Variants in ADD2 observed in about 807,000 individuals in gnomAD.
The protein encoded by ADD2 is adducin 2, also known as beta-adducin.
In ADD2, 23 loss-of-function variants were observed where a neutral mutation model predicts 83.0. The ratio of observed to expected loss-of-function variants is 0.28; its 90% CI spans 0.20 to 0.39. ADD2 has a LOEUF of 0.39. Ranked by LOEUF, ADD2 falls within the 10% of genes least tolerant of loss-of-function variation. The pLI, the probability that ADD2 is intolerant of heterozygous loss-of-function variation, is 1.00. For missense variants in ADD2, 758 were observed against 944.9 expected (o/e 0.80, Z 2.59); for synonymous variants, 375 against 375.4 (o/e 1.00, Z 0.01).
chr2:70,767,953 G>T lies in ADD2; in HGVS notation c.-221C>A, dbSNP rs990976395. 3.9e-4 allele frequency: 605 copies of T among 1,535,514 alleles called. No homozygotes were observed. The highest frequency in any genetic ancestry group is 4.6e-4 in the Non-Finnish European group (531 of 1,146,654). ...GTTGGTTTTGTTATTTTATGGGTTT[G>T]GGGGGTGGGGTGCGCTTAAAAAATC... On this transcript the variant is annotated 5_prime_UTR_variant, in exon 1 of 16. Transcript: ENST00000264436.
chr2:70,752,041 T>C (rs545052610), intron 1 of ADD2, among the ~76,000 whole-genome samples: 5 of 152,322 alleles, frequency 3.3e-5, no homozygotes, highest in Non-Finnish European at 5.9e-5. Flanking sequence ...TAAATGCATA[T>C]AGCCTTTGTC....
chr2:70,698,944 TAAC>T (rs1258459000), intron 4 of ADD2, among the ~76,000 whole-genome samples: 1 of 152,090 alleles, frequency 6.6e-6, no homozygotes, highest in Non-Finnish European at 1.5e-5. Flanking sequence ...GCTAGACAGA[TAAC>T]AACCTATCTG....
Position 70,692,290 on chromosome 2 carries a change from G to A in ADD2, c.705+113C>T, listed in dbSNP as rs969648078. 25 of 1,252,884 alleles carry A rather than the reference G, an allele frequency of 2.0e-5. No homozygotes were observed. In the African/African-American group the frequency reaches 2.6e-4, roughly 13 times the overall value. 77.6% of individuals were successfully genotyped at this position (1,252,884 alleles called of 1,614,324 possible). ...GCGTTTCCACGTTGGGAGTTCTCTC[G>A]CTTCACCTTGGCCTGAGTTCTAGAT... On this transcript the variant is annotated intron_variant, in intron 7 of 15. Coordinates refer to ENST00000264436, the MANE Select transcript of ADD2 (RefSeq NM_001617.4).
chr2:70,722,327 C>T (rs536541636), intron 1 of ADD2, among the ~76,000 whole-genome samples: 1 of 152,252 alleles, frequency 6.6e-6, no homozygotes, highest in South Asian at 2.1e-4. Flanking sequence ...AAAAACATTG[C>T]TAACTATCAT....
At chr2:70,739,163 G>A (rs1553380665) in intron 1 of ADD2, among the ~76,000 whole-genome samples, 1 of 152,086 alleles carries the variant, frequency 6.6e-6, no homozygotes, top group African/African-American at 2.4e-5. Flanking sequence ...GTAATATCCA[G>A]CATCTATAAG....
At chr2:70,728,445 C>G (rs1213147427) in intron 1 of ADD2, among the ~76,000 whole-genome samples, 8 of 152,220 alleles carry the variant, frequency 5.3e-5, no homozygotes, top group Admixed American at 2.0e-4. Context: ...TGTGAGGAGT[C>G]AGTCCTGGGC....
At chr2:70,665,525 ATC>A (rs1207424917) in intron 15 of ADD2, among the ~76,000 whole-genome samples, 1 of 152,000 alleles carries the variant, frequency 6.6e-6, no homozygotes, top group African/African-American at 2.4e-5. Flanking sequence ...GGACACAACC[ATC>A]TCTCTGTCCA....
chr2:70,671,652 T>C (rs961723759), intron 15 of ADD2, among the ~76,000 whole-genome samples: 9 of 152,158 alleles, frequency 5.9e-5, no homozygotes, highest in Non-Finnish European at 1.2e-4. Flanking sequence ...TGGAGACAGG[T>C]TGACAACACC....
At chr2:70,667,237 A>T (rs1270510435) in intron 15 of ADD2, among the ~76,000 whole-genome samples, 3 of 152,014 alleles carry the variant, frequency 2.0e-5, no homozygotes, top group Non-Finnish European at 4.4e-5. Context: ...AGAAGCTGGA[A>T]AATGGGGGCT....
intron 4 of ADD2, among the ~76,000 whole-genome samples, chr2:70,699,835 T>C (rs1671498423): frequency 6.6e-6 from 1 of 151,694 alleles, no homozygotes; most frequent in Admixed American, 6.6e-5. Flanking sequence ...AAGGTAAAAA[T>C]AAAAGGAAGA....
chr2:70,715,474 A>G (rs1349653999), intron 1 of ADD2, among the ~76,000 whole-genome samples: 1 of 152,100 alleles, frequency 6.6e-6, no homozygotes, highest in Non-Finnish European at 1.5e-5. Flanking sequence ...TGCCCCATGT[A>G]GTGAAAACAG....
intron 6 of ADD2, among the ~76,000 whole-genome samples, chr2:70,695,201 G>A (rs1553372384): frequency 6.6e-6 from 1 of 152,074 alleles, no homozygotes; most frequent in African/African-American, 2.4e-5. Flanking sequence ...GAGAAGGATT[G>A]GGCCTTTTCT....
intron 8 of ADD2, among the ~76,000 whole-genome samples, chr2:70,689,231 T>A (rs1670902503): frequency 6.6e-6 from 1 of 152,218 alleles, no homozygotes; most frequent in Non-Finnish European, 1.5e-5. Flanking sequence ...GAACCCAAAC[T>A]GAATTTGTAC....
intron 7 of ADD2, among the ~76,000 whole-genome samples, chr2:70,691,989 G>T (rs1268260386): frequency 6.6e-6 from 1 of 152,158 alleles, no homozygotes; most frequent in East Asian, 1.9e-4. Context: ...TCCCAGTTTT[G>T]CTTGCTCCGT....
rs139827624 is a variant in ADD2, at chr2:70,678,941, C to T, written c.1146G>A (p.Thr382=). 5.1e-5 allele frequency: 82 copies of T among 1,612,952 alleles called. No homozygotes were observed. The highest frequency in any genetic ancestry group is 3.8e-4 in the Admixed American group (23 of 59,948). ...LDNLGYRTGY[T]YRHPFVQEKT... is the part of the protein sequence containing the mutation. ...TCTCTTGAACAAAGGGGTGGCGATA[C>T]GTGTAACCTGTTCTGTAGCCCTATA... Residue 382 remains threonine (T), a synonymous_variant, in exon 11 of 16, where the codon ACG becomes ACA. Coordinates refer to ENST00000264436, the MANE Select transcript of ADD2 (RefSeq NM_001617.4).
chr2:70,693,722 C>T (rs868981540), intron 6 of ADD2, among the ~76,000 whole-genome samples: 36 of 152,350 alleles, frequency 2.4e-4, no homozygotes, highest in Middle Eastern at 6.8e-3. Flanking sequence ...TGGTTTCCCT[C>T]AGCCCAGCTC....
In ADD2 at chr2:70,678,748, C is replaced by T. The variant is rs782815926; in HGVS notation, c.1339G>A (p.Asp447Asn). The T allele has an allele frequency of 5.3e-5, 85 of 1,602,426 alleles. No individual in the cohort carries two copies. Among genetic ancestry groups the T allele is most frequent in the Middle Eastern group, 1.7e-4 (1 of 6,034 alleles). Residue 447 changes from aspartate to asparagine, a missense_variant, in exon 11 of 16, where the codon GAT becomes AAT. By Grantham distance (23) the Asp-to-Asn change is conservative. Transcript: ENST00000264436. ...CTGCCCATGCTCCTCTGGACCTCAT[C>T]GGCCACATTGACCCGCAGGTAGGTG... ...PNTYLRVNVA[D>N]EVQRSMGSPR...
chr2:70,763,372 CA>C (rs1425373239), intron 1 of ADD2, among the ~76,000 whole-genome samples: 1 of 151,962 alleles, frequency 6.6e-6, no homozygotes, highest in Non-Finnish European at 1.5e-5. Flanking sequence ...TATGTGGAGT[CA>C]AATATTGTGG....
rs760599064 is a variant in ADD2, at chr2:70,662,272, A to T, written c.*1153T>A. On this transcript the variant is annotated 3_prime_UTR_variant, in exon 16 of 16. Coordinates refer to ENST00000264436, the MANE Select transcript of ADD2 (RefSeq NM_001617.4). ...CAGGCCCCAGGATGGACAGATAGGG[A>T]CAAGGACAGGGATACCCAGCATTTC... The T allele has an allele frequency of 2.0e-5, 3 of 152,202 alleles. No individual in the cohort carries two copies. Among genetic ancestry groups the T allele is most frequent in the Non-Finnish European group, 4.4e-5 (3 of 68,038 alleles). 9.4% of individuals were successfully genotyped at this position (152,202 alleles called of 1,614,324 possible).
Sources: gnomAD v4.1 joint callset for allele counts (sites outside exome capture counted in the v4.1 genomes callset) on GRCh38, gnomAD v4.1.1 for gene constraint, MANE v1.5 for transcripts, NCBI Gene and HGNC (gene_info 2026-07-23, HGNC 2026-07-21) for gene names.